The following MZF1 variants were observed in gnomAD, a reference collection of about 807,000 sequenced individuals.
MZF1 encodes the protein zinc finger and SCAN domain-containing protein 6.
A neutral mutation model predicts 28.6 loss-of-function variants in MZF1; 24 were observed. The ratio of observed to expected loss-of-function variants is 0.84; its 90% CI spans 0.61 to 1.18. MZF1 has a LOEUF of 1.18. Among genes scored for constraint, MZF1 ranks in the 50% most tolerant of loss-of-function variants. MZF1 has a pLI of 0.00. For synonymous variants in MZF1, 516 were observed against 432.5 expected (o/e 1.19, Z -2.40); for missense variants, 1,166 against 1,026.4 (o/e 1.14, Z -1.86).
chr19:58,572,436 C>T lies in MZF1; in HGVS notation c.-41+619G>A, dbSNP rs1014167927. On this transcript the variant is annotated intron_variant, in intron 1 of 5. Coordinates refer to ENST00000215057, the MANE Select transcript of MZF1 (RefSeq NM_198055.2). ...GCAATGGGTGGGGGGGCGGCAAAGG[C>T]TCCAAGACTGCCGGAACAGGAGCCT... is the stretch of plus-strand genomic sequence containing the variant. 1.0e-5 allele frequency: 8 copies of T among 795,320 alleles called. No homozygotes were observed. In the Admixed American group the frequency reaches 1.3e-4, roughly 13 times the overall value. 49.3% of individuals were successfully genotyped at this position (795,320 alleles called of 1,614,324 possible). A position where few individuals can be genotyped will look rare whatever the true frequency, so the allele number is the denominator to read the frequency against.
In MZF1 at chr19:58,562,494, T is replaced by C. The variant is rs2053947919; in HGVS notation, c.1783A>G (p.Lys595Glu). The C allele has an allele frequency of 6.2e-7, 1 of 1,609,450 alleles. No homozygotes were observed. Among genetic ancestry groups the C allele is most frequent in the African/African-American group, 1.3e-5 (1 of 74,076 alleles). Residue 595 changes from lysine to glutamate, a missense_variant, in exon 6 of 6, where the codon AAA (lysine) becomes GAA (glutamate). Physicochemically the swap from Lys to Glu is moderately conservative, Grantham distance 56. Coordinates refer to ENST00000215057, the MANE Select transcript of MZF1 (RefSeq NM_198055.2). ...CCACACTCGGGGCAGGCAAAGGGTT[T>C]CTCGCCCGTGTGTACGCGGAGATGC... ...TQHLRVHTGE[K>E]PFACPECGQR... is the part of the protein sequence containing the mutation.
intron 5 of MZF1, chr19:58,568,811 G>A (rs929010174): frequency 5.2e-5 from 8 of 154,720 alleles, no homozygotes; most frequent in African/African-American, 1.9e-4. Flanking sequence ...ATGGCAGGGG[G>A]CCTCTGGTCC....
chr19:58,569,083 G>A (rs1600106247), intron 5 of MZF1, 194 bp downstream of exon 5: 1 of 613,342 alleles, frequency 1.6e-6, no homozygotes. Context: ...GGGATCAGTG[G>A]TAGTGGTGGG....
chr19:58,561,994 T>TA lies in MZF1; in HGVS notation c.*77dup, dbSNP rs2053933330. 1 of 1,432,106 alleles carries TA rather than the reference T, an allele frequency of 7.0e-7. No homozygotes were observed. Among genetic ancestry groups the TA allele is most frequent in the African/African-American group, 1.4e-5 (1 of 70,838 alleles). The allele number at this position is 1,432,106 out of a possible 1,614,324, so 88.7% of individuals were successfully genotyped here. A position where few individuals can be genotyped will look rare whatever the true frequency, so the allele number is the denominator to read the frequency against. On this transcript the variant is annotated 3_prime_UTR_variant, in exon 6 of 6. Transcript: ENST00000215057. ...AGCCCTGGGCGGACCTGCTTATACTTATGTAATCGCCAGCCTCACAATAAC... is the reference window on the plus strand; with the variant it reads ...AGCCCTGGGCGGACCTGCTTATACTTAATGTAATCGCCAGCCTCACAATAAC...
rs2053955678 is a variant in MZF1, at chr19:58,562,726, C to T, written c.1551G>A (p.Glu517=). 1.3e-6 allele frequency: 2 copies of T among 1,535,960 alleles called. No individual in the cohort carries two copies. The highest frequency in any genetic ancestry group is 1.2e-5 in the South Asian group (1 of 84,318). The change falls in exon 6 of 6, where the codon GAG becomes GAA. Residue 517 remains glutamate (E), a synonymous_variant. Coordinates refer to ENST00000215057, the MANE Select transcript of MZF1 (RefSeq NM_198055.2). ...AGCGGCGGCCGAAGCGCTCGCCGCACTCGACGCAGCCAAAGGACTTGTCGC... is the reference window on the plus strand; with the variant it reads ...AGCGGCGGCCGAAGCGCTCGCCGCATTCGACGCAGCCAAAGGACTTGTCGC... ...HTGDKSFGCV[E]CGERFGRRSV...
intron 5 of MZF1, 128 bp downstream of exon 5, chr19:58,569,149 T>G: frequency 7.8e-7 from 1 of 1,289,236 alleles, no homozygotes; most frequent in Non-Finnish European, 1.1e-6. Context: ...TAGGGGATGA[T>G]CTAGGGAATG....
chr19:58,561,957 C>G lies in MZF1; in HGVS notation c.*115G>C, dbSNP rs938527735. On this transcript the variant is annotated 3_prime_UTR_variant, in exon 6 of 6. Transcript: ENST00000215057. Reference sequence around the variant, plus strand: ...TTTCCATCTACTGTTTATTGGACACCTACAGTAGCCAAGCCCTGGGCGGAC... The same window carrying G: ...TTTCCATCTACTGTTTATTGGACACGTACAGTAGCCAAGCCCTGGGCGGAC... The G allele has an allele frequency of 8.1e-6, 9 of 1,105,698 alleles. No individual in the cohort carries two copies. In the African/African-American group the frequency reaches 9.4e-5, roughly 12 times the overall value. The allele number at this position is 1,105,698 out of a possible 1,614,324, so 68.5% of individuals were successfully genotyped here.
intron 5 of MZF1, chr19:58,568,844 G>C (rs577322527): frequency 6.3e-6 from 1 of 157,898 alleles, no homozygotes; most frequent in African/African-American, 2.4e-5. Context: ...TGATTGGGCA[G>C]GATCCCTATC....
At chr19:58,572,259 T>C (rs1158802912) in intron 1 of MZF1, among the ~76,000 whole-genome samples, 1 of 152,116 alleles carries the variant, frequency 6.6e-6, no homozygotes, top group African/African-American at 2.4e-5. Context: ...TAATCCTCCA[T>C]GTCAACCTGT....
Position 58,571,109 on chromosome 19 carries a change from CCCAGGAACTGCTCCAGCACCAACAGCT to C in MZF1, c.254_280del (p.Glu85_Leu93del). 1.2e-6 allele frequency: 2 copies of C among 1,613,986 alleles called. No homozygotes were observed. Among genetic ancestry groups the C allele is most frequent in the Middle Eastern group, 1.6e-4 (1 of 6,062 alleles). On this transcript the variant is annotated inframe_deletion, in exon 2 of 6. Coordinates refer to ENST00000215057, the MANE Select transcript of MZF1 (RefSeq NM_198055.2). ...GGCCTGGATCTCAGGGGGCAGTGCG[CCCAGGAACTGCTCCAGCACCAACAGCT>C]CCAGCATCTGCTCCTTGGAGCGTAC...
chr19:58,571,383 G>C lies in MZF1; in HGVS notation c.7C>G (p.Pro3Ala). 6.2e-7 allele frequency: 1 copy of C among 1,614,086 alleles called. No homozygotes were observed. Among genetic ancestry groups the C allele is most frequent in the Non-Finnish European group, 8.5e-7 (1 of 1,179,998 alleles). The change falls in exon 2 of 6, where the codon CCT (proline) becomes GCT (alanine). Residue 3 changes from proline (P) to alanine (A), a missense_variant. Coordinates refer to ENST00000215057, the MANE Select transcript of MZF1 (RefSeq NM_198055.2). ...CGGTCTGGGGAGCCCAGCACCGCAG[G>C]CCTCATAGAGGGTACCAGGTCAGGT... is the stretch of plus-strand genomic sequence containing the variant. MR[P>A]AVLGSPDRAP...
At chr19:58,566,565 CTG>C (rs2054061976) in intron 5 of MZF1, among the ~76,000 whole-genome samples, 1 of 152,158 alleles carries the variant, frequency 6.6e-6, no homozygotes, top group African/African-American at 2.4e-5. Context: ...GAGAGTAAGA[CTG>C]TGTGGCCCAG....
At chr19:58,573,555 G>A (rs1195364301), upstream of MZF1, 3 of 152,378 alleles carry the variant, frequency 2.0e-5, no homozygotes, top group Non-Finnish European at 2.9e-5. Flanking sequence ...TAGTCAGCAG[G>A]CCCTTCGTGT....
chr19:58,566,645 A>C (rs540679836), intron 5 of MZF1, among the ~76,000 whole-genome samples: 26 of 152,104 alleles, frequency 1.7e-4, no homozygotes, highest in Non-Finnish European at 3.7e-4. Flanking sequence ...TGAATGTATT[A>C]GCTATTCAGA....
intron 1 of MZF1, 51 bp from the exon 2 acceptor site, chr19:58,571,480 T>C: frequency 6.7e-7 from 1 of 1,489,678 alleles, no homozygotes; most frequent in Non-Finnish European, 9.1e-7. Context: ...AGTGAATGCT[T>C]CACTGCCTAG....
Position 58,564,894 on chromosome 19 carries a change from A to ATG in MZF1, c.773-1392_773-1391dup, listed in dbSNP as rs767358626. Among the ~76,000 whole-genome samples the ATG allele has an allele frequency of 1.1e-3, 117 of 102,190 alleles. 3 individuals carry two copies. Among genetic ancestry groups the ATG allele is most frequent in the Middle Eastern group, 7.4e-3 (1 of 136 alleles). The allele number at this position is 102,190 out of a possible 152,430, so 67.0% of individuals were successfully genotyped here. ...GGAACAGGGTGGAGAATAAGCATCC[A>ATG]TGTGTGTGTTTTTTTTTTTTTTTTT... is the stretch of plus-strand genomic sequence containing the variant. On this transcript the variant is annotated intron_variant, in intron 5 of 5. Coordinates refer to ENST00000215057, the MANE Select transcript of MZF1 (RefSeq NM_198055.2).
Position 58,563,295 on chromosome 19 carries a change from G to C in MZF1, c.982C>G (p.Pro328Ala). Residue 328 changes from proline to alanine, a missense_variant, in exon 6 of 6, where the codon CCT (proline) becomes GCT (alanine). Physicochemically the swap from Pro to Ala is conservative, Grantham distance 27 (BLOSUM62 -1). Transcript: ENST00000215057. Reference sequence around the variant, plus strand: ...CGCCAGCGGGTGGTGATCAGAGCAGGGCCCACACCCCGGCAGGGATCCTCG... The same window carrying C: ...CGCCAGCGGGTGGTGATCAGAGCAGCGCCCACACCCCGGCAGGGATCCTCG... ...TDEDPCRGVG[P>A]ALITTRWRSP... is the part of the protein sequence containing the mutation. 6.2e-7 allele frequency: 1 copy of C among 1,608,172 alleles called. No homozygotes were observed. Among genetic ancestry groups the C allele is most frequent in the Non-Finnish European group, 8.5e-7 (1 of 1,177,878 alleles).
rs1251515907 is a variant in MZF1 at position 58,562,666 on chromosome 19, G to A, written c.1611C>T (p.Gly537=). The part of the protein sequence containing the change: ...VLLQHRRVHS[G]ERPFACAECG... ...ACTCGGCACAGGCGAAGGGCCGCTC[G>A]CCACTGTGCACGCGCCGGTGCTGCA... Residue 537 remains glycine (G), a synonymous_variant, in exon 6 of 6, where the codon GGC becomes GGT. Transcript: ENST00000215057. 1 of 1,542,730 alleles carries A rather than the reference G, an allele frequency of 6.5e-7. No individual in the cohort carries two copies. Among genetic ancestry groups the A allele is most frequent in the Non-Finnish European group, 8.7e-7 (1 of 1,150,296 alleles).
chr19:58,568,205 A>G (rs1180410436), intron 5 of MZF1: 1 of 152,216 alleles, frequency 6.6e-6, no homozygotes, highest in Non-Finnish European at 1.5e-5. Context: ...TGATGGCACC[A>G]CTGTGCTCTA....
Sources: gnomAD v4.1 joint callset for allele counts (sites outside exome capture counted in the v4.1 genomes callset) on GRCh38, gnomAD v4.1.1 for gene constraint, MANE v1.5 for transcripts, NCBI Gene and HGNC (gene_info 2026-07-23, HGNC 2026-07-21) for gene names.